The following BDNF variants were observed in gnomAD, a reference collection of about 807,000 sequenced individuals.
BDNF encodes the protein brain derived neurotrophic factor, also known as neurotrophic factor BDNF precursor form.
BDNF carries 1 observed loss-of-function variant against 19.5 expected under a neutral mutation model. That is an observed-to-expected ratio of 0.05 (90% CI 0.02 to 0.24). The LOEUF is 0.24. Ranked by LOEUF, BDNF falls within the 10% of genes least tolerant of loss-of-function variation. The pLI is 1.00. For missense variants in BDNF, 195 were observed against 317.6 expected (o/e 0.61, Z 2.93); for synonymous variants, 100 against 121.6 (o/e 0.82, Z 1.17).
intron 1 of BDNF, among the ~76,000 whole-genome samples, chr11:27,668,411 A>T (rs765267020): frequency 6.6e-6 from 1 of 152,226 alleles, no homozygotes; most frequent in Non-Finnish European, 1.5e-5. Context: ...AACTAAGATC[A>T]GAGTAGAACT....
At chr11:27,707,614 A>G (rs1008008524) in intron 1 of BDNF, among the ~76,000 whole-genome samples, 1 of 152,204 alleles carries the variant, frequency 6.6e-6, no homozygotes, top group African/African-American at 2.4e-5. Context: ...GTCTAGTTGG[A>G]TATAGGAAAG....
intron 1 of BDNF, among the ~76,000 whole-genome samples, chr11:27,671,444 T>A (rs1440658432): frequency 6.6e-6 from 1 of 152,108 alleles, no homozygotes; most frequent in Admixed American, 6.6e-5. Context: ...GAAAAACAAA[T>A]GTCACTGTAA....
At chr11:27,670,213 A>C (rs1003713038) in intron 1 of BDNF, among the ~76,000 whole-genome samples, 8 of 152,224 alleles carry the variant, frequency 5.3e-5, no homozygotes, top group African/African-American at 1.9e-4. Context: ...CATATGTAGA[A>C]AGCTGAAACT....
intron 1 of BDNF, among the ~76,000 whole-genome samples, chr11:27,664,989 GA>G (rs549703094): frequency 6.6e-6 from 1 of 152,298 alleles, no homozygotes; most frequent in African/African-American, 2.4e-5. Flanking sequence ...GAGGTCATCT[GA>G]AAATACTTTT....
At chr11:27,680,225 T>A (rs770506391) in intron 1 of BDNF, among the ~76,000 whole-genome samples, 1 of 152,172 alleles carries the variant, frequency 6.6e-6, no homozygotes, top group Non-Finnish European at 1.5e-5. Context: ...AACAATACAG[T>A]GCAATGTGGT....
intron 1 of BDNF, among the ~76,000 whole-genome samples, chr11:27,708,777 G>A (rs531877683): frequency 1.4e-4 from 20 of 147,578 alleles, no homozygotes; most frequent in Admixed American, 3.4e-4. Context: ...ATTTTCTAAC[G>A]TTTTAAGAGT....
In BDNF at chr11:27,659,648, T is replaced by C. The variant is rs5790661; in HGVS notation, c.-21-1063A>G. 89 of 980,508 alleles carry C rather than the reference T, an allele frequency of 9.1e-5. No individual in the cohort carries two copies. The African/African-American group carries it at 1.1e-3, about 12-fold the overall frequency. 60.7% of individuals were successfully genotyped at this position (980,508 alleles called of 1,614,324 possible). ...TTCTCTCTGTGTGTGTGTGTGTGTG[T>C]GCGCGCGCGCGTGTGCGCGCGCTCT... is the stretch of plus-strand genomic sequence containing the variant. On this transcript the variant is annotated intron_variant, in intron 1 of 1. Transcript: ENST00000356660.
At chr11:27,721,862 T>TA (rs34578636) in exon 1 of BDNF, 1,794 of 168,946 alleles carry the variant, frequency 0.011, 2 homozygotes, top group South Asian at 0.025. Flanking sequence ...GGTACCCCTG[T>TA]AAAAAAAAAA....
At chr11:27,674,538 C>T in intron 1 of BDNF, 1 of 985,318 alleles carries the variant, frequency 1.0e-6, no homozygotes, top group Non-Finnish European at 1.2e-6. Flanking sequence ...AAGAAACTGG[C>T]TGTACTCCAG....
intron 1 of BDNF, chr11:27,699,630 C>T: frequency 1.4e-6 from 2 of 1,445,464 alleles, no homozygotes; most frequent in Non-Finnish European, 9.1e-7. Flanking sequence ...CTTGTAAGTC[C>T]ACTTCAGTCT....
intron 1 of BDNF, among the ~76,000 whole-genome samples, chr11:27,718,593 G>C (rs1410850814): frequency 8.7e-6 from 1 of 114,862 alleles, no homozygotes; most frequent in Admixed American, 1.2e-4. Context: ...CCCTCCCTTC[G>C]CGTAGATCTG....
intron 1 of BDNF, chr11:27,698,058 C>T (rs1377454184): frequency 6.6e-6 from 1 of 151,572 alleles, no homozygotes; most frequent in Admixed American, 6.6e-5. Context: ...ACATTTATCA[C>T]ATTTTACAAA....
At chr11:27,700,524 C>A (rs1859799592), upstream of BDNF, 9 of 216,814 alleles carry the variant, frequency 4.2e-5, 1 homozygote, top group Non-Finnish European at 4.9e-5. Context: ...GGCGCCGCCC[C>A]CCCCCCCCCG....
At chr11:27,689,857 C>G (rs1858006216) in intron 1 of BDNF, among the ~76,000 whole-genome samples, 1 of 151,988 alleles carries the variant, frequency 6.6e-6, no homozygotes, top group African/African-American at 2.4e-5. Context: ...TCTGTTTGTC[C>G]TGACGCACTC....
At chr11:27,684,897 G>A (rs1459104616) in intron 1 of BDNF, among the ~76,000 whole-genome samples, 1 of 152,120 alleles carries the variant, frequency 6.6e-6, no homozygotes, top group Non-Finnish European at 1.5e-5. Flanking sequence ...TTTGTATCAG[G>A]ATGATGCCGG....
upstream of BDNF, among the ~76,000 whole-genome samples, chr11:27,702,904 C>A (rs190659284): frequency 6.6e-6 from 1 of 152,282 alleles, no homozygotes; most frequent in East Asian, 1.9e-4. Flanking sequence ...CTCCCCCACC[C>A]CCTAAGTGAA....
chr11:27,683,044 A>G (rs560258063), intron 1 of BDNF, among the ~76,000 whole-genome samples: 12 of 152,146 alleles, frequency 7.9e-5, no homozygotes, highest in Non-Finnish European at 1.6e-4. Context: ...AAGTGTTCCT[A>G]TTTCTCTACA....
chr11:27,701,762 C>T (rs1239546330), upstream of BDNF: 2 of 343,716 alleles, frequency 5.8e-6, no homozygotes, highest in East Asian at 3.4e-4. Context: ...AATGATACAT[C>T]TTTTATTAGA....
chr11:27,656,151 CT>C lies in BDNF; in HGVS notation c.*1669del. On this transcript the variant is annotated 3_prime_UTR_variant, in exon 2 of 2. Coordinates refer to ENST00000356660, the MANE Select transcript of BDNF (RefSeq NM_001709.5). The stretch of plus-strand genomic sequence containing the variant: ...AGTTTGGGGTTTCTTTTCCTGTTCC[CT>C]TTTCCCTTACCAAAAGTTCTCAAAA... The C allele has an allele frequency of 6.6e-6, 1 of 152,298 alleles. No individual in the cohort carries two copies. Among genetic ancestry groups the C allele is most frequent in the Non-Finnish European group, 1.5e-5 (1 of 68,044 alleles). 9.4% of individuals were successfully genotyped at this position (152,298 alleles called of 1,614,324 possible).
Sources: gnomAD v4.1 joint callset for allele counts (sites outside exome capture counted in the v4.1 genomes callset) on GRCh38, gnomAD v4.1.1 for gene constraint, MANE v1.5 for transcripts, NCBI Gene and HGNC (gene_info 2026-07-23, HGNC 2026-07-21) for gene names.